ADGRL2: variants seen among roughly 807,000 people sequenced by gnomAD.
ADGRL2 encodes the protein adhesion G protein-coupled receptor L2, also known as calcium-independent alpha-latrotoxin receptor 2.
Under a neutral mutation model 157.4 loss-of-function variants are expected in ADGRL2, and 44 were observed. The observed-to-expected ratio is 0.28, with a 90% CI of 0.22 to 0.36. The LOEUF (loss-of-function observed/expected upper bound fraction) is 0.36, where lower values mean the gene tolerates loss of function less well. Among genes scored for constraint, ADGRL2 ranks in the 10% least tolerant of loss-of-function variants. The pLI is 1.00. For synonymous variants in ADGRL2, 585 were observed against 624.7 expected, an observed-to-expected ratio of 0.94 and a Z score of 0.95; for missense variants, 1,510 against 1,768.9, an observed-to-expected ratio of 0.85 and a Z score of 2.63.
chr1:81,854,883 T>C (rs1185311849), intron 2 of ADGRL2, among the ~76,000 whole-genome samples: 1 of 151,986 alleles, frequency 6.6e-6, no homozygotes, highest in East Asian at 1.9e-4. Context: ...TGACAAAAGA[T>C]AGCTCTGGAT....
intron 3 of ADGRL2, among the ~76,000 whole-genome samples, chr1:81,611,821 G>T (rs2081546674): frequency 6.6e-6 from 1 of 152,090 alleles, no homozygotes; most frequent in African/African-American, 2.4e-5. Context: ...ACGTGTTGAG[G>T]AAGGGACCTG....
intron 2 of ADGRL2, among the ~76,000 whole-genome samples, chr1:81,563,450 A>G (rs1469735092): frequency 1.8e-4 from 28 of 152,222 alleles, no homozygotes; most frequent in Non-Finnish European, 2.9e-5. Context: ...AAGAGGAAGA[A>G]AGAGAGGAGA....
chr1:81,819,364 A>C (rs898427007), intron 1 of ADGRL2, among the ~76,000 whole-genome samples: 3 of 152,138 alleles, frequency 2.0e-5, no homozygotes, highest in African/African-American at 7.2e-5. Flanking sequence ...GGAAGGGAGA[A>C]GGAATGAGCC....
chr1:81,964,572 T>C (rs1656480383), intron 11 of ADGRL2, among the ~76,000 whole-genome samples: 1 of 152,118 alleles, frequency 6.6e-6, no homozygotes, highest in African/African-American at 2.4e-5. Flanking sequence ...TATAAAAATG[T>C]ATGAATGTTA....
chr1:81,342,779 A>G (rs1036350578), intron 1 of ADGRL2, among the ~76,000 whole-genome samples: 7 of 152,090 alleles, frequency 4.6e-5, no homozygotes, highest in Non-Finnish European at 1.0e-4. Context: ...AGGTGAAAAA[A>G]TCAAGACTCA....
At chr1:81,548,109 C>T (rs2080061972) in intron 2 of ADGRL2, among the ~76,000 whole-genome samples, 1 of 152,088 alleles carries the variant, frequency 6.6e-6, no homozygotes, top group Non-Finnish European at 1.5e-5. Flanking sequence ...TGACTACAGC[C>T]CACACAAGAA....
intron 10 of ADGRL2, 122 bp downstream of exon 10, chr1:81,953,147 A>G (rs1652383062): frequency 1.3e-6 from 1 of 755,844 alleles, no homozygotes; most frequent in African/African-American, 1.7e-5. Flanking sequence ...GCCCCATATC[A>G]GCTGTACAAA....
chr1:81,731,423 TC>T (rs1270348463), intron 1 of ADGRL2, among the ~76,000 whole-genome samples: 1 of 152,180 alleles, frequency 6.6e-6, no homozygotes, highest in African/African-American at 2.4e-5. Context: ...AAAACTGATT[TC>T]CTTCAAGAAC....
rs545325197 is a variant in ADGRL2, at chr1:81,324,136, T to C, written c.-302+17627T>C. Among the ~76,000 whole-genome samples, 7 of 152,036 alleles carry C rather than the reference T, an allele frequency of 4.6e-5. No homozygotes were observed. In the South Asian group the frequency reaches 1.5e-3, roughly 32 times the overall value. ...AGAGCCCTTTAAGAGGCTATTGTAG[T>C]GGGAAAGACAGAGATGAAGGTCATT... On this transcript the variant is annotated intron_variant, in intron 1 of 24. Coordinates refer to the ADGRL2 transcript ENST00000370721.
At chr1:81,309,991 C>CT (rs1379148740) in intron 1 of ADGRL2, among the ~76,000 whole-genome samples, 4 of 152,058 alleles carry the variant, frequency 2.6e-5, no homozygotes, top group African/African-American at 7.2e-5. Flanking sequence ...AGAAAAAATA[C>CT]TTTTTTCTGT....
At chr1:81,735,941 G>A (rs779871013) in intron 1 of ADGRL2, among the ~76,000 whole-genome samples, 4 of 151,238 alleles carry the variant, frequency 2.6e-5, no homozygotes, top group Admixed American at 6.6e-5. Context: ...TCAGGAGATC[G>A]AGACCATCCT....
intron 2 of ADGRL2, among the ~76,000 whole-genome samples, chr1:81,454,637 T>C (rs2077766015): frequency 6.6e-6 from 1 of 152,122 alleles, no homozygotes; most frequent in African/African-American, 2.4e-5. Flanking sequence ...AATTTAGCAC[T>C]TCGTTGAAAA....
At chr1:81,600,064 C>G (rs1448105070) in intron 3 of ADGRL2, among the ~76,000 whole-genome samples, 3 of 152,152 alleles carry the variant, frequency 2.0e-5, no homozygotes, top group African/African-American at 7.2e-5. Flanking sequence ...TTAGTTTACA[C>G]TTGAGCGTTT....
intron 3 of ADGRL2, among the ~76,000 whole-genome samples, chr1:81,674,831 T>C (rs1225663888): frequency 6.6e-6 from 1 of 152,168 alleles, no homozygotes; most frequent in South Asian, 2.1e-4. Flanking sequence ...GAGAGGGCTA[T>C]GTATTTACCA....
intron 2 of ADGRL2, among the ~76,000 whole-genome samples, chr1:81,780,008 G>C (rs72941136): frequency 0.15 from 23,042 of 152,150 alleles, 1,972 homozygotes; most frequent in African/African-American, 0.21. Context: ...TCTGAGGTCT[G>C]CACTAGAAAA....
At chr1:81,711,132 A>G (rs1298283715) in intron 1 of ADGRL2, among the ~76,000 whole-genome samples, 1 of 152,210 alleles carries the variant, frequency 6.6e-6, no homozygotes, top group African/African-American at 2.4e-5. Flanking sequence ...GTCTTTACAT[A>G]TTACGAAGCT....
chr1:81,727,817 A>G (rs946787825), intron 1 of ADGRL2, among the ~76,000 whole-genome samples: 2 of 151,710 alleles, frequency 1.3e-5, no homozygotes, highest in Admixed American at 6.6e-5. Context: ...AATAAAATAT[A>G]TATATATATA....
intron 1 of ADGRL2, among the ~76,000 whole-genome samples, chr1:81,361,699 T>C (rs1274004529): frequency 6.6e-6 from 1 of 151,950 alleles, no homozygotes; most frequent in Admixed American, 6.6e-5. Flanking sequence ...GAGAGTGAAA[T>C]AGAAACTTTC....
In ADGRL2 at chr1:81,966,519, G is replaced by A. The variant is rs1340170138; in HGVS notation, c.2259G>A (p.Val753=). 6.2e-7 allele frequency: 1 copy of A among 1,613,866 alleles called. No homozygotes were observed. The highest frequency in any genetic ancestry group is 8.5e-7 in the Non-Finnish European group (1 of 1,179,914). The change falls in exon 13 of 24, where the codon GTG becomes GTA. Residue 753 remains valine, a synonymous_variant. Coordinates refer to ENST00000686636, the MANE Select transcript of ADGRL2 (RefSeq NM_001366006.2). ...TTGGTCGTAATAGCACCATTGCAGT[G>A]AACTCTCACGTCATTTCAGTTTCAA... The part of the protein sequence containing the change: ...DFIGRNSTIA[V]NSHVISVSIN...
Sources: allele counts gnomAD v4.1 joint callset (sites outside exome capture counted in the v4.1 genomes callset), GRCh38; gene constraint gnomAD v4.1.1; transcripts MANE v1.5; gene names NCBI Gene and HGNC (gene_info 2026-07-23, HGNC 2026-07-21).